The following VPS13B variants were observed in gnomAD, a reference collection of about 807,000 sequenced individuals.
VPS13B encodes the protein vacuolar protein sorting 13 homolog B.
Under a neutral mutation model 426.4 loss-of-function variants are expected in VPS13B, and 285 were observed. The observed-to-expected ratio is 0.67, with a 90% CI of 0.61 to 0.74. VPS13B has a LOEUF of 0.74. Among genes scored for constraint, VPS13B ranks in the 30% least tolerant of loss-of-function variants. The pLI is 0.00. For missense variants in VPS13B, 4,537 were observed against 4,782.6 expected (o/e 0.95, Z 1.51); for synonymous variants, 1,676 against 1,676.4 (o/e 1.00, Z 0.01).
At chr8:99,538,447 T>C (rs937582031) in intron 30 of VPS13B, among the ~76,000 whole-genome samples, 3 of 152,200 alleles carry the variant, frequency 2.0e-5, no homozygotes, top group African/African-American at 7.2e-5. Flanking sequence ...ATTAGTCATT[T>C]AGCACTTGAC....
chr8:99,759,213 C>G (rs1231389408), intron 39 of VPS13B, among the ~76,000 whole-genome samples: 2 of 152,166 alleles, frequency 1.3e-5, no homozygotes, highest in Non-Finnish European at 2.9e-5. Context: ...TAACTACTCA[C>G]TCCCATGCAC....
chr8:99,649,809 C>G (rs1196307781), intron 34 of VPS13B, among the ~76,000 whole-genome samples: 1 of 152,154 alleles, frequency 6.6e-6, no homozygotes, highest in Non-Finnish European at 1.5e-5. Context: ...TTGGATGTGT[C>G]CTTACCTTCA....
In VPS13B at chr8:99,849,040, G is replaced by T. The variant is rs894776637; in HGVS notation, c.10061+146G>T. 1.0e-5 allele frequency: 8 copies of T among 793,102 alleles called. No homozygotes were observed. In the African/African-American group the frequency reaches 1.2e-4, roughly 12 times the overall value. 49.1% of individuals were successfully genotyped at this position (793,102 alleles called of 1,614,324 possible). A position where few individuals can be genotyped will look rare whatever the true frequency, so the allele number is the denominator to read the frequency against. On this transcript the variant is annotated intron_variant, in intron 55 of 61. Coordinates refer to ENST00000357162, the MANE Select transcript of VPS13B (RefSeq NM_152564.5). ...TAATCCATAAAAAATATGGTTATTAGCACTAAATCATCCCTTCAATAGGTA... is the reference window on the plus strand; with the variant it reads ...TAATCCATAAAAAATATGGTTATTATCACTAAATCATCCCTTCAATAGGTA...
At chr8:99,828,404 T>G (rs1254664600) in intron 51 of VPS13B, among the ~76,000 whole-genome samples, 20 of 37,236 alleles carry the variant, frequency 5.4e-4, no homozygotes, top group East Asian at 2.0e-3. Context: ...GTTTTTTTTT[T>G]TTTTTTTTTT....
chr8:99,673,975 A>G (rs552198961), intron 35 of VPS13B, among the ~76,000 whole-genome samples: 12 of 152,168 alleles, frequency 7.9e-5, no homozygotes, highest in South Asian at 2.1e-4. Context: ...GATACTTACT[A>G]TGATTGCAGT....
intron 35 of VPS13B, among the ~76,000 whole-genome samples, chr8:99,684,647 CTG>C (rs1438840451): frequency 6.6e-6 from 1 of 152,176 alleles, no homozygotes; most frequent in Admixed American, 6.5e-5. Flanking sequence ...AATAGCTGCT[CTG>C]TGTAGGTTTT....
chr8:99,019,394 C>T (rs749463111), intron 2 of VPS13B, among the ~76,000 whole-genome samples: 1 of 151,718 alleles, frequency 6.6e-6, no homozygotes, highest in Non-Finnish European at 1.5e-5. Flanking sequence ...TTTTTAGTAG[C>T]GATTGGGTTT....
chr8:99,428,695 G>A (rs202137123), intron 21 of VPS13B, among the ~76,000 whole-genome samples: 63 of 152,234 alleles, frequency 4.1e-4, no homozygotes, highest in African/African-American at 1.2e-3. Flanking sequence ...AGTGTAAACT[G>A]GTTCAACCAT....
chr8:99,689,923 A>G (rs1185386959), intron 35 of VPS13B, among the ~76,000 whole-genome samples: 1 of 152,138 alleles, frequency 6.6e-6, no homozygotes, highest in Non-Finnish European at 1.5e-5. Context: ...TTTAGTTTTC[A>G]TTTTATACAC....
chr8:99,481,798 C>T lies in VPS13B; in HGVS notation c.3866C>T (p.Thr1289Ile). ...CCATCTGCTGACATTGGGACTACTA[C>T]TGAGGTAAGTGTTTTTGAAAATCCT... ...CSPSADIGTT[T>I]EGDSIQAGEE... The change falls in exon 25 of 62, where the codon ACT becomes ATT. Residue 1289 changes from threonine (T) to isoleucine (I), a missense_variant. Around this residue, in one of 2 missense-constraint regions of VPS13B, gnomAD observed 4,311 missense variants for 4,474.3 expected, o/e 0.96. Coordinates refer to ENST00000357162, the MANE Select transcript of VPS13B (RefSeq NM_152564.5). The T allele has an allele frequency of 6.2e-7, 1 of 1,613,714 alleles. No homozygotes were observed. The highest frequency in any genetic ancestry group is 1.1e-5 in the South Asian group (1 of 91,074).
chr8:99,281,368 G>C (rs1403317959), intron 19 of VPS13B, among the ~76,000 whole-genome samples: 4 of 152,198 alleles, frequency 2.6e-5, no homozygotes, highest in African/African-American at 9.6e-5. Flanking sequence ...CACTTCTTGC[G>C]AATGGAGGCA....
At position 99,328,892 on chromosome 8, in the gene VPS13B, C is replaced by T. The variant is rs116288277; in HGVS notation, c.2824+53638C>T. The stretch of plus-strand genomic sequence containing the variant: ...AGCTACGAAAGGAAAATCTACTTTA[C>T]GTCTCTTAGATTAAAAATCTTTGTA... On this transcript the variant is annotated intron_variant, in intron 19 of 61. Coordinates refer to ENST00000357162, the MANE Select transcript of VPS13B (RefSeq NM_152564.5). 2.2e-3 allele frequency among the ~76,000 whole-genome samples: 333 copies of T among 152,182 alleles called. 2 individuals carry two copies. Among genetic ancestry groups the T allele is most frequent in the African/African-American group, 7.8e-3 (326 of 41,550 alleles).
At chr8:99,791,737 A>G (rs906059786) in intron 43 of VPS13B, among the ~76,000 whole-genome samples, 1 of 151,632 alleles carries the variant, frequency 6.6e-6, no homozygotes, top group Non-Finnish European at 1.5e-5. Flanking sequence ...AAAAAAAAAA[A>G]AAAAAACTAC....
chr8:99,101,297 A>T (rs1846730110), intron 4 of VPS13B, among the ~76,000 whole-genome samples: 1 of 151,904 alleles, frequency 6.6e-6, no homozygotes, highest in South Asian at 2.1e-4. Flanking sequence ...ACGCCCGGCT[A>T]ATTTTTTTGT....
intron 4 of VPS13B, among the ~76,000 whole-genome samples, chr8:99,102,056 A>C (rs1017408875): frequency 6.6e-6 from 1 of 152,144 alleles, no homozygotes; most frequent in African/African-American, 2.4e-5. Flanking sequence ...ATTACTCAAT[A>C]ATGTATCCAT....
intron 19 of VPS13B, among the ~76,000 whole-genome samples, chr8:99,366,406 C>T (rs752265752): frequency 2.3e-4 from 35 of 152,120 alleles, no homozygotes; most frequent in Middle Eastern, 3.4e-3. Context: ...TAGCTACTCC[C>T]GCACTTTTTT....
intron 17 of VPS13B, among the ~76,000 whole-genome samples, chr8:99,270,180 C>T (rs1419071028): frequency 1.3e-5 from 1 of 77,252 alleles, no homozygotes; most frequent in African/African-American, 4.8e-5. Context: ...TGCTCGTTGC[C>T]CAGACTGGAG....
At chr8:99,172,863 G>C (rs753728032) in intron 16 of VPS13B, among the ~76,000 whole-genome samples, 16 of 152,036 alleles carry the variant, frequency 1.1e-4, no homozygotes, top group Non-Finnish European at 2.4e-4. Context: ...TGTACTGCTT[G>C]AACATTTTAT....
chr8:99,603,761 A>G (rs1827435207), intron 33 of VPS13B, among the ~76,000 whole-genome samples: 1 of 152,200 alleles, frequency 6.6e-6, no homozygotes, highest in Admixed American at 6.5e-5. Flanking sequence ...TAGAAAGTAA[A>G]ACCATGGATG....
Sources: allele counts gnomAD v4.1 joint callset (sites outside exome capture counted in the v4.1 genomes callset), GRCh38; gene constraint gnomAD v4.1.1; regional missense constraint gnomAD v4.1.1; transcripts MANE v1.5; gene names NCBI Gene and HGNC (gene_info 2026-07-23, HGNC 2026-07-21).